Variants in CCDC171 observed in about 807,000 individuals in gnomAD.
CCDC171 encodes the protein coiled-coil domain-containing protein 171.
Under a neutral mutation model 168.2 loss-of-function variants are expected in CCDC171, and 177 were observed. That is an observed-to-expected ratio of 1.05 (90% CI 0.93 to 1.19). The LOEUF is 1.19. Ranked by LOEUF, CCDC171 falls within the 50% of genes most tolerant of loss-of-function variation. The pLI is 0.00. For synonymous variants in CCDC171, 687 were observed against 540.8 expected (o/e 1.27, Z -3.75); for missense variants, 1,991 against 1,539.0 (o/e 1.29, Z -4.91).
At chr9:16,104,259 C>T in the CCDC171 span, among the ~76,000 whole-genome samples, 94 of 152,154 alleles carry the variant, frequency 6.2e-4, no homozygotes, top group Admixed American at 2.6e-3. Context: ...CTCCTCTAAG[C>T]TCCCCCTTCC....
At chr9:15,978,989 G>A (rs1831707841), downstream of CCDC171, among the ~76,000 whole-genome samples, 1 of 152,062 alleles carries the variant, frequency 6.6e-6, no homozygotes, top group Non-Finnish European at 1.5e-5. Flanking sequence ...AGAACAATAT[G>A]TATTGCTATT....
rs75279374 is a variant in CCDC171 at position 15,723,684 on chromosome 9, A to C, written c.1429A>C (p.Lys477Gln). ...NKLEDASNEEKACNELDSTKQ... is the reference protein window; with the variant it reads ...NKLEDASNEEQACNELDSTKQ... ...AAACAGCATGAATGATGTTAAGGAA[A>C]AGGCATGTAATGAACTTGATTCTAC... The change falls in exon 13 of 26, where the codon AAG (lysine) becomes CAG (glutamine). Residue 477 changes from lysine to glutamine, a missense_variant. By Grantham distance (53) the Lys-to-Gln change is moderately conservative (BLOSUM62 1). Coordinates refer to ENST00000380701, the MANE Select transcript of CCDC171 (RefSeq NM_173550.4). The C allele has an allele frequency of 3.2e-3, 5,155 of 1,593,482 alleles. 160 individuals are homozygous for C. The African/African-American group carries it at 0.061, about 19-fold the overall frequency.
intron 23 of CCDC171, among the ~76,000 whole-genome samples, chr9:15,861,895 C>A (rs2061575355): frequency 6.6e-6 from 1 of 151,930 alleles, no homozygotes; most frequent in African/African-American, 2.4e-5. Flanking sequence ...ACTTGAAGAA[C>A]TGCCTTTAGC....
At chr9:15,900,388 G>A (rs1821466359) in intron 24 of CCDC171, among the ~76,000 whole-genome samples, 1 of 152,144 alleles carries the variant, frequency 6.6e-6, no homozygotes, top group Non-Finnish European at 1.5e-5. Flanking sequence ...CAAGAAAATG[G>A]GGACTTCTTT....
chr9:15,906,108 T>G (rs867006129), intron 24 of CCDC171, among the ~76,000 whole-genome samples: 1 of 152,070 alleles, frequency 6.6e-6, no homozygotes, highest in Non-Finnish European at 1.5e-5. Flanking sequence ...GGAGGAGCTG[T>G]TACCATTCCT....
At chr9:15,925,614 A>C (rs1825805041) in intron 25 of CCDC171, among the ~76,000 whole-genome samples, 1 of 151,548 alleles carries the variant, frequency 6.6e-6, no homozygotes, top group Non-Finnish European at 1.5e-5. Context: ...AACAAGAGAA[A>C]ATGGTGTGCC....
At chr9:15,741,937 C>A (rs2054907045) in intron 16 of CCDC171, among the ~76,000 whole-genome samples, 1 of 152,188 alleles carries the variant, frequency 6.6e-6, no homozygotes, top group East Asian at 1.9e-4. Context: ...CCTGTATCTA[C>A]ATGCACAATT....
chr9:15,879,911 A>G (rs1818391076), intron 24 of CCDC171, among the ~76,000 whole-genome samples: 2 of 152,232 alleles, frequency 1.3e-5, no homozygotes, highest in Admixed American at 6.5e-5. Flanking sequence ...TGAAAAAGAT[A>G]AGATGGTTCC....
intron 19 of CCDC171, among the ~76,000 whole-genome samples, 199 bp downstream of exon 19, chr9:15,778,025 C>T (rs1042901360): frequency 1.7e-4 from 26 of 152,136 alleles, no homozygotes; most frequent in African/African-American, 5.1e-4. Context: ...TGGCCGGGCG[C>T]GGTGGCTCAC....
chr9:15,630,570 A>T (rs997639588), intron 7 of CCDC171, among the ~76,000 whole-genome samples: 1 of 152,176 alleles, frequency 6.6e-6, no homozygotes, highest in African/African-American at 2.4e-5. Context: ...CCCACACAAT[A>T]ATAATGGGAG....
Position 15,810,295 on chromosome 9 carries a change from C to G in CCDC171, c.3267+25601C>G, listed in dbSNP as rs542848948. 1.1e-3 allele frequency among the ~76,000 whole-genome samples: 171 copies of G among 152,350 alleles called. 1 individual carries two copies. Among genetic ancestry groups the G allele is most frequent in the Non-Finnish European group, 1.6e-3 (111 of 68,034 alleles). ...AATCCTCTGGCTAGACATAAAAGTT[C>G]TCCAAGTCCCCACCCGACTCAGGAG... On this transcript the variant is annotated intron_variant, in intron 21 of 25. Transcript: ENST00000380701.
At chr9:15,860,911 A>G (rs1315651722) in intron 23 of CCDC171, among the ~76,000 whole-genome samples, 1 of 124,462 alleles carries the variant, frequency 8.0e-6, no homozygotes, top group African/African-American at 3.3e-5. Flanking sequence ...TTTGTTTTAT[A>G]TATTTAGGTG....
intron 10 of CCDC171, among the ~76,000 whole-genome samples, chr9:15,686,935 C>T (rs879330098): frequency 2.0e-5 from 3 of 152,136 alleles, no homozygotes; most frequent in Non-Finnish European, 2.9e-5. Flanking sequence ...GAACACCACA[C>T]CCATTAGCAA....
intron 8 of CCDC171, among the ~76,000 whole-genome samples, chr9:15,660,828 T>C (rs1174701058): frequency 1.3e-5 from 2 of 152,252 alleles, no homozygotes; most frequent in East Asian, 1.9e-4. Context: ...TTATTTTCTT[T>C]TGGATATATA....
intron 7 of CCDC171, among the ~76,000 whole-genome samples, chr9:15,632,710 C>G (rs985957588): frequency 2.6e-5 from 4 of 152,134 alleles, no homozygotes; most frequent in Admixed American, 2.6e-4. Context: ...GCCTGCATCG[C>G]CAAGTCAATC....
At chr9:15,578,410 T>G (rs1265167442) in intron 3 of CCDC171, among the ~76,000 whole-genome samples, 11 of 8,618 alleles carry the variant, frequency 1.3e-3, no homozygotes, top group African/African-American at 5.8e-3. Context: ...AATTTTTGTA[T>G]TATTATTATT....
At chr9:15,663,064 A>G (rs2048448962) in intron 8 of CCDC171, among the ~76,000 whole-genome samples, 1 of 152,234 alleles carries the variant, frequency 6.6e-6, no homozygotes, top group Non-Finnish European at 1.5e-5. Context: ...CGCAAAGTAG[A>G]TAGTCTAGTT....
At chr9:15,556,856 G>T (rs1359642180) in intron 1 of CCDC171, among the ~76,000 whole-genome samples, 2 of 152,072 alleles carry the variant, frequency 1.3e-5, no homozygotes, top group East Asian at 3.8e-4. Flanking sequence ...TTTTCTTCTA[G>T]GGTTTTTATG....
chr9:15,719,520 AG>A (rs1162115367), intron 11 of CCDC171, among the ~76,000 whole-genome samples: 2 of 151,950 alleles, frequency 1.3e-5, no homozygotes, highest in Non-Finnish European at 2.9e-5. Context: ...AAGTACAAGA[AG>A]GTTATAGAAC....
Sources: gnomAD v4.1 joint callset for allele counts (sites outside exome capture counted in the v4.1 genomes callset) on GRCh38, gnomAD v4.1.1 for gene constraint, MANE v1.5 for transcripts, NCBI Gene and HGNC (gene_info 2026-07-23, HGNC 2026-07-21) for gene names.